PLA2G3: variants seen among roughly 807,000 people sequenced by gnomAD.
PLA2G3 encodes the protein phospholipase A2 group III.
Under a neutral mutation model 51.3 loss-of-function variants are expected in PLA2G3, and 39 were observed. That is an observed-to-expected ratio of 0.76 (90% CI 0.59 to 0.99). The LOEUF (loss-of-function observed/expected upper bound fraction) is 0.99. Ranked by LOEUF, PLA2G3 falls within the 50% of genes least tolerant of loss-of-function variation. The pLI, the probability that PLA2G3 is intolerant of heterozygous loss-of-function variation, is 0.00. For synonymous variants in PLA2G3, 293 were observed against 263.1 expected, an observed-to-expected ratio of 1.11 and a Z score of -1.10; for missense variants, 677 against 662.1, an observed-to-expected ratio of 1.02 and a Z score of -0.25.
chr22:31,135,671 G>C lies in PLA2G3; in HGVS notation c.*52C>G. The stretch of plus-strand genomic sequence containing the variant: ...GGGAGGCTGAGATTCCCAAGGCTTG[G>C]CATAGCCATGGGCAAGGTCCAGGCT... On this transcript the variant is annotated 3_prime_UTR_variant, in exon 7 of 7. Transcript: ENST00000215885. 7.2e-7 allele frequency: 1 copy of C among 1,387,726 alleles called. No homozygotes were observed. The allele number at this position is 1,387,726 out of a possible 1,614,324, so 86.0% of individuals were successfully genotyped here. A position where few individuals can be genotyped will look rare whatever the true frequency, so the allele number is the denominator to read the frequency against.
At position 31,137,789 on chromosome 22, in the gene PLA2G3, G is replaced by A; in HGVS notation, c.987C>T (p.Leu329=). The A allele has an allele frequency of 6.2e-7, 1 of 1,614,040 alleles. No homozygotes were observed. Among genetic ancestry groups the A allele is most frequent in the Non-Finnish European group, 8.5e-7 (1 of 1,179,994 alleles). Residue 329 remains leucine, a synonymous_variant, in exon 4 of 7, where the codon CTC becomes CTT. Coordinates refer to ENST00000215885, the MANE Select transcript of PLA2G3 (RefSeq NM_015715.5). The part of the protein sequence containing the change: ...KRPSKANTTA[L]QDPMVSPRLD... ...GCCTGGGAGAGACCATAGGGTCCTG[G>A]AGGGCTGTGGTGTTGGCTTTGCTGG...
Position 31,138,784 on chromosome 22 carries a change from G to A in PLA2G3, c.530C>T (p.Pro177Leu). 6.2e-7 allele frequency: 1 copy of A among 1,614,116 alleles called. No individual in the cohort carries two copies. Among genetic ancestry groups the A allele is most frequent in the Non-Finnish European group, 8.5e-7 (1 of 1,180,004 alleles). Residue 177 changes from proline to leucine, a missense_variant, in exon 2 of 7, where the codon CCT (proline) becomes CTT (leucine). Transcript: ENST00000215885. ...GTCATGTTCCCGGCAACAGAGATCA[G>A]GTCCCTGGAAGACCCCTGCAGGGAG... ...NSSELGVFQG[P>L]DLCCREHDRC...
rs1021388568 is a variant in PLA2G3, at chr22:31,137,953, G to A, written c.823C>T (p.Pro275Ser). The change falls in exon 4 of 7, where the codon CCC (proline) becomes TCC (serine). Residue 275 changes from proline to serine, a missense_variant. By Grantham distance (74) the Pro-to-Ser change is moderately conservative. Transcript: ENST00000215885. ...CAGGAGGCATTGTAGAAGGTCCTGG[G>A]CTGCAGGCGAGCGAGGGGCACTGTG... ...YGTVPLARLQ[P>S]RTFYNASWSS... 1.9e-6 allele frequency: 3 copies of A among 1,601,416 alleles called. No homozygotes were observed. The highest frequency in any genetic ancestry group is 2.6e-6 in the Non-Finnish European group (3 of 1,174,588).
chr22:31,140,115 G>C lies in PLA2G3; in HGVS notation c.240C>G (p.Thr80=), dbSNP rs148262601. The C allele has an allele frequency of 5.6e-6, 9 of 1,613,086 alleles. No homozygotes were observed. In the Admixed American group the frequency reaches 1.5e-4, roughly 27 times the overall value. Residue 80 remains threonine (T), a synonymous_variant, in exon 1 of 7, where the codon ACC becomes ACG. Transcript: ENST00000215885. ...SCSWEDEPEL[T]AAYGALCAHE... is the part of the protein sequence containing the mutation. Reference sequence around the variant, plus strand: ...GAGCACAGAGAGCACCGTAGGCTGCGGTGAGCTCCGGCTCATCCTCCCAGC... The same window carrying C: ...GAGCACAGAGAGCACCGTAGGCTGCCGTGAGCTCCGGCTCATCCTCCCAGC...
intron 3 of PLA2G3, 37 bp downstream of exon 3, chr22:31,138,239 T>A (rs1922700830): frequency 1.2e-6 from 2 of 1,605,886 alleles, no homozygotes; most frequent in Non-Finnish European, 1.7e-6. Context: ...GGGCTCCCTC[T>A]CTGTCTGGAA....
chr22:31,136,074 C>T (rs992953212), intron 6 of PLA2G3, 138 bp from the exon 7 acceptor site: 18 of 678,454 alleles, frequency 2.7e-5, no homozygotes, highest in East Asian at 8.2e-5. Context: ...GTGGGTTTCA[C>T]GGAGAAAGGG....
intron 4 of PLA2G3, among the ~76,000 whole-genome samples, 198 bp from the exon 5 acceptor site, chr22:31,137,238 C>T (rs1437985058): frequency 6.6e-6 from 1 of 152,214 alleles, no homozygotes; most frequent in African/African-American, 2.4e-5. Flanking sequence ...CCGCCAAACA[C>T]GGTAGTACTG....
chr22:31,135,539 C>A lies in PLA2G3; in HGVS notation c.*184G>T. 1.7e-6 allele frequency: 1 copy of A among 605,406 alleles called. No homozygotes were observed. Among genetic ancestry groups the A allele is most frequent in the Non-Finnish European group, 2.9e-6 (1 of 339,112 alleles). The allele number at this position is 605,406 out of a possible 1,614,324, so 37.5% of individuals were successfully genotyped here. On this transcript the variant is annotated 3_prime_UTR_variant, in exon 7 of 7. Coordinates refer to ENST00000215885, the MANE Select transcript of PLA2G3 (RefSeq NM_015715.5). ...TGTGTCATACATAGCTCAAGGTTACCCAGAACAGCAGGAGATGTGGTCCAG... is the reference window on the plus strand; with the variant it reads ...TGTGTCATACATAGCTCAAGGTTACACAGAACAGCAGGAGATGTGGTCCAG...
chr22:31,137,370 G>A (rs778375262), intron 4 of PLA2G3, among the ~76,000 whole-genome samples: 9 of 152,210 alleles, frequency 5.9e-5, no homozygotes, highest in Non-Finnish European at 8.8e-5. Context: ...AAGGCCTCAC[G>A]GTAGGAGAGA....
Position 31,137,173 on chromosome 22 carries a change from G to T in PLA2G3, c.1067-133C>A. On this transcript the variant is annotated intron_variant, in intron 4 of 6. Coordinates refer to ENST00000215885, the MANE Select transcript of PLA2G3 (RefSeq NM_015715.5). ...AGATTCCCTCCATTTCATGCCTTCT[G>T]AGTCTTTGTGCCCTCAGTGTGCCGC... is the stretch of plus-strand genomic sequence containing the variant. The T allele has an allele frequency of 8.2e-6, 8 of 974,368 alleles. No homozygotes were observed. The South Asian group carries it at 1.5e-4, about 18-fold the overall frequency. 60.4% of individuals were successfully genotyped at this position (974,368 alleles called of 1,614,324 possible).
In PLA2G3 at chr22:31,137,971, G is replaced by C; in HGVS notation, c.805C>G (p.Pro269Ala). ...WGGCRMYGTV[P>A]LARLQPRTFY... is the part of the protein sequence containing the mutation. ...GTCCTGGGCTGCAGGCGAGCGAGGG[G>C]CACTGTGCCGTACATCCTACACCTG... Residue 269 changes from proline to alanine, a missense_variant, in exon 4 of 7, where the codon CCC becomes GCC. Transcript: ENST00000215885. 6.3e-7 allele frequency: 1 copy of C among 1,583,266 alleles called. No homozygotes were observed. Among genetic ancestry groups the C allele is most frequent in the Non-Finnish European group, 8.6e-7 (1 of 1,167,106 alleles).
In PLA2G3 at chr22:31,140,395, G is replaced by T; in HGVS notation, c.-41C>A. The T allele has an allele frequency of 6.6e-7, 1 of 1,517,408 alleles. No homozygotes were observed. The allele number at this position is 1,517,408 out of a possible 1,614,324, so 94.0% of individuals were successfully genotyped here. ...TCCAGTCAGACAAAGCCCCTGGGAT[G>T]CCTGCCCTTGGTGGCCCCACCAGGC... On this transcript the variant is annotated 5_prime_UTR_variant, in exon 1 of 7. Transcript: ENST00000215885.
rs749020406 is a variant in PLA2G3 at position 31,136,699 on chromosome 22, A to C, written c.1300T>G (p.Cys434Gly). ...TCFKLAPPLD[C>G]VEGKNCSRDP... ...ATCACTTACTTTTTGCCTTCCACAC[A>C]GTCCAGTGGAGGGGCCAGCTTGAAG... The change falls in exon 6 of 7, where the codon TGT becomes GGT. Residue 434 changes from cysteine to glycine, a missense_variant. By Grantham distance (159) the Cys-to-Gly change is radical. Coordinates refer to ENST00000215885, the MANE Select transcript of PLA2G3 (RefSeq NM_015715.5). The C allele has an allele frequency of 5.0e-6, 8 of 1,612,516 alleles. No homozygotes were observed. The highest frequency in any genetic ancestry group is 6.8e-6 in the Non-Finnish European group (8 of 1,179,340).
chr22:31,137,145 C>T, intron 4 of PLA2G3, 105 bp from the exon 5 acceptor site: 1 of 1,145,862 alleles, frequency 8.7e-7, no homozygotes, highest in South Asian at 1.7e-5. Flanking sequence ...CAGTCACACA[C>T]ACAGATTCCC....
chr22:31,136,064 G>T, intron 6 of PLA2G3, 128 bp from the exon 7 acceptor site: 1 of 736,122 alleles, frequency 1.4e-6, no homozygotes, highest in Non-Finnish European at 2.2e-6. Context: ...GCAGAGAGGG[G>T]TGGGTTTCAC....
At position 31,138,029 on chromosome 22, in the gene PLA2G3, G is replaced by T. The variant is rs952555132; in HGVS notation, c.783-36C>A. Reference sequence around the variant, plus strand: ...GCAGTTGGTGGAAATTGGTGACTGGGAATCCCCCTTCCAGAAGCCCCCAGG... The same window carrying T: ...GCAGTTGGTGGAAATTGGTGACTGGTAATCCCCCTTCCAGAAGCCCCCAGG... On this transcript the variant is annotated intron_variant, in intron 3 of 6. Transcript: ENST00000215885. 3 of 1,521,634 alleles carry T rather than the reference G, an allele frequency of 2.0e-6. No individual in the cohort carries two copies. In the African/African-American group the frequency reaches 4.2e-5, roughly 21 times the overall value. 94.3% of individuals were successfully genotyped at this position (1,521,634 alleles called of 1,614,324 possible).
Position 31,135,658 on chromosome 22 carries a change from T to C in PLA2G3, c.*65A>G. ...CTAACCTACGGAGGGGAGGCTGAGA[T>C]TCCCAAGGCTTGGCATAGCCATGGG... On this transcript the variant is annotated 3_prime_UTR_variant, in exon 7 of 7. Coordinates refer to ENST00000215885, the MANE Select transcript of PLA2G3 (RefSeq NM_015715.5). 1 of 1,257,394 alleles carries C rather than the reference T, an allele frequency of 8.0e-7. No individual in the cohort carries two copies. The highest frequency in any genetic ancestry group is 1.7e-5 in the Admixed American group (1 of 57,980). The allele number at this position is 1,257,394 out of a possible 1,614,324, so 77.9% of individuals were successfully genotyped here.
intron 4 of PLA2G3, 39 bp downstream of exon 4, chr22:31,137,671 C>G: frequency 6.5e-7 from 1 of 1,539,636 alleles, no homozygotes; most frequent in Non-Finnish European, 8.7e-7. Context: ...GGGACACCCC[C>G]TCATGTCAGG....
chr22:31,137,048 G>A lies in PLA2G3; in HGVS notation c.1067-8C>T, dbSNP rs374507416. On this transcript the variant is annotated splice_polypyrimidine_tract_variant and splice_region_variant and intron_variant, in intron 4 of 6. Coordinates refer to ENST00000215885, the MANE Select transcript of PLA2G3 (RefSeq NM_015715.5). ...GGCAGACCCAGCGGGCACCTGAGGG[G>A]TGGATGTGGTGTTGATGGGAGCCCA... 6.6e-7 allele frequency: 1 copy of A among 1,521,152 alleles called. No homozygotes were observed. The highest frequency in any genetic ancestry group is 2.3e-5 in the Admixed American group (1 of 43,586). The allele number at this position is 1,521,152 out of a possible 1,614,324, so 94.2% of individuals were successfully genotyped here.
Sources: gnomAD v4.1 joint callset for allele counts (sites outside exome capture counted in the v4.1 genomes callset) on GRCh38, gnomAD v4.1.1 for gene constraint, MANE v1.5 for transcripts, NCBI Gene and HGNC (gene_info 2026-07-23, HGNC 2026-07-21) for gene names.